CRISP3: variants seen among roughly 807,000 people sequenced by gnomAD.
The protein encoded by CRISP3 is cysteine-rich secretory protein 3.
A neutral mutation model predicts 36.1 loss-of-function variants in CRISP3; 33 were observed. That is an observed-to-expected ratio of 0.91 (90% CI 0.69 to 1.22). The LOEUF (loss-of-function observed/expected upper bound fraction) is 1.22. Ranked by LOEUF, CRISP3 falls within the 50% of genes most tolerant of loss-of-function variation. The pLI is 0.00. For synonymous variants in CRISP3, 117 were observed against 104.6 expected (o/e 1.12, Z -0.72); for missense variants, 330 against 301.2 (o/e 1.10, Z -0.71).
At position 49,737,889 on chromosome 6, in the gene CRISP3, C is replaced by T. The variant is rs548801522; in HGVS notation, c.38-491G>A. On this transcript the variant is annotated intron_variant, in intron 1 of 7. Coordinates refer to ENST00000263045, the MANE Select transcript of CRISP3 (RefSeq NM_006061.4). ...AAGTTAGCATGTGCCAGTTCTTTTC[C>T]GTCAGGGATCTGGCTCATATACTTG... Among the ~76,000 whole-genome samples the T allele has an allele frequency of 7.0e-4, 107 of 152,242 alleles. 1 individual carries two copies. Among genetic ancestry groups the T allele is most frequent in the Admixed American group, 1.9e-3 (29 of 15,286 alleles).
intron 2 of CRISP3, 49 bp downstream of exon 2, chr6:49,737,276 C>T: frequency 6.9e-7 from 1 of 1,456,240 alleles, no homozygotes; most frequent in Non-Finnish European, 9.6e-7. Context: ...AGCTTGCCAT[C>T]CCTCATGGTT....
chr6:49,739,682 C>A (rs991130757), intron 1 of CRISP3, among the ~76,000 whole-genome samples: 3 of 152,010 alleles, frequency 2.0e-5, no homozygotes, highest in African/African-American at 7.2e-5. Flanking sequence ...CAAGGGACTA[C>A]TGTAAATAGC....
chr6:49,731,080 T>C, intron 7 of CRISP3, 83 bp downstream of exon 7: 1 of 988,680 alleles, frequency 1.0e-6, no homozygotes. Flanking sequence ...ATTGCTTAAG[T>C]TGGTTGTCTT....
chr6:49,743,084 T>C (rs1037111155), intron 1 of CRISP3, among the ~76,000 whole-genome samples: 10 of 152,246 alleles, frequency 6.6e-5, no homozygotes, highest in Admixed American at 5.2e-4. Flanking sequence ...CCTATGCCAA[T>C]ATGCAAAGTT....
At chr6:49,732,910 C>T (rs1019393800) in intron 6 of CRISP3, among the ~76,000 whole-genome samples, 2 of 152,104 alleles carry the variant, frequency 1.3e-5, no homozygotes, top group African/African-American at 2.4e-5. Flanking sequence ...TAACTACACA[C>T]TACATGTACT....
In CRISP3 at chr6:49,733,782, C is replaced by T. The variant is rs1183180550; in HGVS notation, c.383G>A (p.Ser128Asn). ...AAAATCATTGTACTCATCAAACCAGCTTTGGATTGCTTGTGACCATGAGCT... is the reference window on the plus strand; with the variant it reads ...AAAATCATTGTACTCATCAAACCAGTTTTGGATTGCTTGTGACCATGAGCT... ...ASSSWSQAIQ[S>N]WFDEYNDFDF... The change falls in exon 5 of 8, where the codon AGC becomes AAC. Residue 128 changes from serine to asparagine, a missense_variant. Ser to Asn is a conservative substitution (Grantham distance 46, BLOSUM62 1). Coordinates refer to ENST00000263045, the MANE Select transcript of CRISP3 (RefSeq NM_006061.4). 2.5e-6 allele frequency: 4 copies of T among 1,613,870 alleles called. No homozygotes were observed. In the South Asian group the frequency reaches 3.3e-5, roughly 13 times the overall value.
At chr6:49,728,900 C>T (rs1258479300) in intron 7 of CRISP3, 43 bp from the exon 8 acceptor site, 1 of 1,575,814 alleles carries the variant, frequency 6.3e-7, no homozygotes, top group Non-Finnish European at 8.6e-7. Context: ...TTATCATTTT[C>T]TTTCATAACA....
At chr6:49,741,151 C>CAAAAAAAAA (rs10616289) in intron 1 of CRISP3, among the ~76,000 whole-genome samples, 1 of 135,420 alleles carries the variant, frequency 7.4e-6, no homozygotes, top group African/African-American at 2.7e-5. Flanking sequence ...AAAAAACCAC[C>CAAAAAAAAA]AAAAAAAAAA....
At chr6:49,738,888 T>C (rs1162971563) in intron 1 of CRISP3, among the ~76,000 whole-genome samples, 1 of 152,194 alleles carries the variant, frequency 6.6e-6, no homozygotes, top group Non-Finnish European at 1.5e-5. Flanking sequence ...TGTATCACTT[T>C]TTCAAAGATA....
At chr6:49,729,718 C>T (rs918689165) in intron 7 of CRISP3, among the ~76,000 whole-genome samples, 3 of 152,002 alleles carry the variant, frequency 2.0e-5, no homozygotes, top group Non-Finnish European at 4.4e-5. Flanking sequence ...AGGTAACAAC[C>T]GACTGTTCTA....
chr6:49,736,521 A>T lies in CRISP3; in HGVS notation c.112-14T>A, dbSNP rs1769057132. 6.5e-7 allele frequency: 1 copy of T among 1,532,596 alleles called. No homozygotes were observed. The highest frequency in any genetic ancestry group is 9.0e-7 in the Non-Finnish European group (1 of 1,106,088). 94.9% of individuals were successfully genotyped at this position (1,532,596 alleles called of 1,614,324 possible). A position where few individuals can be genotyped will look rare whatever the true frequency, so the allele number is the denominator to read the frequency against. On this transcript the variant is annotated splice_polypyrimidine_tract_variant and intron_variant, in intron 2 of 7. Coordinates refer to ENST00000263045, the MANE Select transcript of CRISP3 (RefSeq NM_006061.4). Reference sequence around the variant, plus strand: ...AAAAGCGGGATCCTAAGGGAAAATAAAATTACAATTATCTTTTAACATTGT... The same window carrying T: ...AAAAGCGGGATCCTAAGGGAAAATATAATTACAATTATCTTTTAACATTGT...
At chr6:49,733,390 G>A (rs982162007) in intron 5 of CRISP3, 98 bp from the exon 6 acceptor site, 20 of 860,886 alleles carry the variant, frequency 2.3e-5, no homozygotes, top group African/African-American at 2.1e-4. Flanking sequence ...GAATGTTACC[G>A]ACATATTTTG....
At position 49,744,120 on chromosome 6, in the gene CRISP3, G is replaced by A. The variant is rs1769273549; in HGVS notation, c.37+211C>T. ...TTTAAATTTCAAACTGGATAAAAGT[G>A]CTTTTGGAATAATAAAGCTGTCTAT... On this transcript the variant is annotated intron_variant, in intron 1 of 7. Transcript: ENST00000263045. Among the ~76,000 whole-genome samples, 3 of 152,132 alleles carry A rather than the reference G, an allele frequency of 2.0e-5. No homozygotes were observed. The South Asian group carries it at 6.2e-4, about 32-fold the overall frequency.
intron 1 of CRISP3, 115 bp from the exon 2 acceptor site, chr6:49,737,513 T>G (rs1769088702): frequency 1.0e-5 from 11 of 1,065,026 alleles, no homozygotes; most frequent in Non-Finnish European, 1.6e-5. Flanking sequence ...AATTCATTAT[T>G]AATGTAACAG....
chr6:49,729,334 CTG>C (rs1768856940), intron 7 of CRISP3, among the ~76,000 whole-genome samples: 1 of 152,226 alleles, frequency 6.6e-6, no homozygotes, highest in East Asian at 1.9e-4. Context: ...ATCTTCATCA[CTG>C]TAGAAAGTTA....
chr6:49,742,443 G>A (rs992104304), intron 1 of CRISP3, among the ~76,000 whole-genome samples: 2 of 151,972 alleles, frequency 1.3e-5, no homozygotes, highest in East Asian at 1.9e-4. Flanking sequence ...ACCACCCTGC[G>A]TAACATGGTG....
Position 49,741,869 on chromosome 6 carries a change from C to T in CRISP3, c.37+2462G>A, listed in dbSNP as rs545014563. On this transcript the variant is annotated intron_variant, in intron 1 of 7. Coordinates refer to ENST00000263045, the MANE Select transcript of CRISP3 (RefSeq NM_006061.4). The stretch of plus-strand genomic sequence containing the variant: ...ATATATACAAGTAATGTAATGTATA[C>T]ATTTTATGTTATATATAATAATATA... Among the ~76,000 whole-genome samples, 444 of 146,266 alleles carry T rather than the reference C, an allele frequency of 3.0e-3. 1 individual carries two copies. Among genetic ancestry groups the T allele is most frequent in the African/African-American group, 0.01 (424 of 40,384 alleles).
intron 1 of CRISP3, 61 bp from the exon 2 acceptor site, chr6:49,737,459 A>G (rs553096668): frequency 1.0e-5 from 16 of 1,570,562 alleles, no homozygotes; most frequent in Non-Finnish European, 1.4e-5. Context: ...CATGCTGTTG[A>G]GTAACATGGG....
chr6:49,738,055 T>C (rs962059928), intron 1 of CRISP3, among the ~76,000 whole-genome samples: 3 of 152,178 alleles, frequency 2.0e-5, no homozygotes, highest in Non-Finnish European at 4.4e-5. Flanking sequence ...GCCTCAAATT[T>C]AAAAAGGCAA....
Sources: allele counts gnomAD v4.1 joint callset (sites outside exome capture counted in the v4.1 genomes callset), GRCh38; gene constraint gnomAD v4.1.1; transcripts MANE v1.5; gene names NCBI Gene and HGNC (gene_info 2026-07-23, HGNC 2026-07-21).